PCDH15: variants seen among roughly 807,000 people sequenced by gnomAD.
PCDH15 encodes the protein protocadherin related 15, also known as protocadherin-15.
PCDH15 carries 129 observed loss-of-function variants against 178.5 expected under a neutral mutation model. The observed-to-expected ratio is 0.72, with a 90% CI of 0.63 to 0.84. PCDH15 has a LOEUF of 0.84. PCDH15 is among the 40% of genes least tolerant of loss of function. PCDH15 has a pLI of 0.00. For missense variants in PCDH15, 2,230 were observed against 2,099.9 expected (o/e 1.06, Z -1.21); for synonymous variants, 800 against 732.0 (o/e 1.09, Z -1.50).
At chr10:54,697,234 T>A (rs2095241837) in intron 1 of PCDH15, among the ~76,000 whole-genome samples, 1 of 152,098 alleles carries the variant, frequency 6.6e-6, no homozygotes. Context: ...ATATCAGAAA[T>A]AACTTGTTTT....
At chr10:55,046,209 G>C (rs1841001768) in intron 2 of PCDH15, among the ~76,000 whole-genome samples, 1 of 151,914 alleles carries the variant, frequency 6.6e-6, no homozygotes, top group South Asian at 2.1e-4. Flanking sequence ...GCAAAATACA[G>C]TCTGGCCTTC....
chr10:54,315,697 A>G (rs922298182), intron 8 of PCDH15, among the ~76,000 whole-genome samples: 4 of 122,950 alleles, frequency 3.3e-5, no homozygotes, highest in Admixed American at 8.9e-5. Flanking sequence ...TCTTGAGTTG[A>G]TTTTTGGTTA....
In PCDH15 at chr10:54,120,034, T is replaced by A. The variant is rs575901033; in HGVS notation, c.1917+12841A>T. Reference sequence around the variant, plus strand: ...AGATAGAGAAAAAGGAAAGATCACCTACAAAGGTAACCCCATCAGGCTGAA... The same window carrying A: ...AGATAGAGAAAAAGGAAAGATCACCAACAAAGGTAACCCCATCAGGCTGAA... On this transcript the variant is annotated intron_variant, in intron 15 of 37. Transcript: ENST00000644397. Among the ~76,000 whole-genome samples, 200 of 152,218 alleles carry A rather than the reference T, an allele frequency of 1.3e-3. 1 individual carries two copies. The highest frequency in any genetic ancestry group is 2.3e-3 in the Non-Finnish European group (158 of 68,026).
chr10:53,972,348 T>G (rs1302215689), intron 21 of PCDH15, among the ~76,000 whole-genome samples: 1 of 152,142 alleles, frequency 6.6e-6, no homozygotes, highest in Non-Finnish European at 1.5e-5. Context: ...GAAAAAAACC[T>G]AGGTAATACC....
At chr10:54,318,900 CTCTT>C (rs939971950) in intron 7 of PCDH15, among the ~76,000 whole-genome samples, 1 of 152,140 alleles carries the variant, frequency 6.6e-6, no homozygotes, top group African/African-American at 2.4e-5. Context: ...TATAAATTTC[CTCTT>C]TCTTGTTTCC....
chr10:53,960,255 C>T (rs1471244443), intron 22 of PCDH15, among the ~76,000 whole-genome samples: 1 of 152,102 alleles, frequency 6.6e-6, no homozygotes, highest in Admixed American at 6.6e-5. Flanking sequence ...AATTCAGACA[C>T]ATAAAAAGCT....
intron 2 of PCDH15, among the ~76,000 whole-genome samples, chr10:55,474,130 A>G (rs1840017597): frequency 6.6e-6 from 1 of 152,190 alleles, no homozygotes; most frequent in Non-Finnish European, 1.5e-5. Context: ...TACATTAACA[A>G]AATTCAAGAT....
At chr10:55,295,845 A>G (rs1417234148) in intron 1 of PCDH15, among the ~76,000 whole-genome samples, 2 of 152,086 alleles carry the variant, frequency 1.3e-5, no homozygotes, top group Non-Finnish European at 2.9e-5. Context: ...GAGTTTTAGC[A>G]CGGACATCAC....
At chr10:53,905,352 G>C (rs773758815) in intron 25 of PCDH15, 29 of 440,810 alleles carry the variant, frequency 6.6e-5, no homozygotes, top group Non-Finnish European at 1.1e-4. Flanking sequence ...CTTGTTTTTT[G>C]AGATGGAGTC....
At chr10:55,576,401 G>A (rs769045793) in intron 2 of PCDH15, among the ~76,000 whole-genome samples, 8 of 152,106 alleles carry the variant, frequency 5.3e-5, no homozygotes, top group Non-Finnish European at 1.0e-4. Context: ...CTGTTTCATG[G>A]GTGGCAGAGG....
chr10:54,836,520 G>A (rs1165084956), intron 3 of PCDH15, among the ~76,000 whole-genome samples: 3 of 151,896 alleles, frequency 2.0e-5, no homozygotes, highest in Non-Finnish European at 2.9e-5. Context: ...TAATAACTAA[G>A]CAATAAATTC....
chr10:54,151,833 AAACTT>A (rs2044568631), intron 14 of PCDH15, among the ~76,000 whole-genome samples: 3 of 152,178 alleles, frequency 2.0e-5, no homozygotes, highest in Non-Finnish European at 4.4e-5. Context: ...GTCAAAGAGA[AAACTT>A]AACAGAAGGA....
intron 9 of PCDH15, among the ~76,000 whole-genome samples, chr10:54,229,832 C>T (rs1215248128): frequency 6.6e-6 from 1 of 152,190 alleles, no homozygotes; most frequent in South Asian, 2.1e-4. Context: ...AACATACACA[C>T]ACAATCTTGC....
At chr10:54,968,497 A>G (rs556796667) in intron 2 of PCDH15, among the ~76,000 whole-genome samples, 1 of 150,416 alleles carries the variant, frequency 6.6e-6, no homozygotes, top group South Asian at 2.1e-4. Flanking sequence ...CCTACCTTGT[A>G]TTGTTCCAGA....
chr10:54,753,894 G>GTTTTT (rs755751275), intron 1 of PCDH15, among the ~76,000 whole-genome samples: 5 of 85,508 alleles, frequency 5.8e-5, no homozygotes, highest in Non-Finnish European at 7.3e-5. Flanking sequence ...GTTTGTTTGT[G>GTTTTT]TTTTTTTTTT....
intron 2 of PCDH15, among the ~76,000 whole-genome samples, chr10:55,011,036 G>T (rs1840034629): frequency 6.6e-6 from 1 of 152,048 alleles, no homozygotes; most frequent in African/African-American, 2.4e-5. Flanking sequence ...AATTTTTGAA[G>T]AGGAATAACT....
intron 2 of PCDH15, among the ~76,000 whole-genome samples, chr10:55,130,725 G>A (rs1015414943): frequency 4.1e-4 from 47 of 115,956 alleles, no homozygotes; most frequent in East Asian, 2.0e-3. Flanking sequence ...GTGTGTGTGT[G>A]TATATACATT....
intron 5 of PCDH15, among the ~76,000 whole-genome samples, chr10:54,346,878 T>G (rs190504995): frequency 1.3e-5 from 2 of 152,324 alleles, no homozygotes; most frequent in Non-Finnish European, 2.9e-5. Flanking sequence ...ATAAACGATT[T>G]ACGAGTGAGC....
chr10:55,423,203 G>T (rs1350505628), intron 2 of PCDH15, among the ~76,000 whole-genome samples: 1 of 151,586 alleles, frequency 6.6e-6, no homozygotes, highest in Non-Finnish European at 1.5e-5. Context: ...TGCTTCTCTG[G>T]GGGCTAAGGG....
Sources: allele counts gnomAD v4.1 joint callset (sites outside exome capture counted in the v4.1 genomes callset), GRCh38; gene constraint gnomAD v4.1.1; transcripts MANE v1.5; gene names NCBI Gene and HGNC (gene_info 2026-07-23, HGNC 2026-07-21).